Variants in CDC42SE2 observed in about 807,000 individuals in gnomAD.
CDC42SE2 encodes the protein CDC42 small effector 2, also known as CDC42 small effector protein 2.
In CDC42SE2, 3 loss-of-function variants were observed where a neutral mutation model predicts 11.5. The observed-to-expected ratio is 0.26, with a 90% confidence interval of 0.12 to 0.67. CDC42SE2 has a LOEUF of 0.67. Ranked by LOEUF, CDC42SE2 falls within the 30% of genes least tolerant of loss-of-function variation. CDC42SE2 has a pLI of 0.80. For synonymous variants in CDC42SE2, 33 were observed against 34.8 expected (o/e 0.95, Z 0.18); for missense variants, 82 against 106.8 (o/e 0.77, Z 1.02).
intron 2 of CDC42SE2, among the ~76,000 whole-genome samples, chr5:131,340,391 G>T (rs1404565258): frequency 6.6e-6 from 1 of 152,140 alleles, no homozygotes; most frequent in African/African-American, 2.4e-5. Flanking sequence ...TGTGTAGGCA[G>T]AAACATAATT....
chr5:131,378,369 T>G (rs1580787602), intron 3 of CDC42SE2, among the ~76,000 whole-genome samples: 1 of 152,210 alleles, frequency 6.6e-6, no homozygotes, highest in Non-Finnish European at 1.5e-5. Context: ...CTAGATTGAT[T>G]AACTTGGAAG....
the CDC42SE2 span, among the ~76,000 whole-genome samples, chr5:131,233,991 TC>T: frequency 6.6e-6 from 1 of 152,132 alleles, no homozygotes; most frequent in African/African-American, 2.4e-5. Context: ...CCCTACCTTT[TC>T]CTCTTTCCTT....
intron 3 of CDC42SE2, among the ~76,000 whole-genome samples, chr5:131,371,432 A>G (rs1269037937): frequency 6.6e-6 from 1 of 152,102 alleles, no homozygotes; most frequent in Non-Finnish European, 1.5e-5. Flanking sequence ...TGTTCCATCT[A>G]CTTTTGTCTA....
intron 2 of CDC42SE2, among the ~76,000 whole-genome samples, chr5:131,343,917 C>T (rs1331902098): frequency 6.6e-6 from 1 of 152,128 alleles, no homozygotes; most frequent in South Asian, 2.1e-4. Flanking sequence ...ATATTGCACA[C>T]TCTTTCATGT....
At chr5:131,292,483 G>A (rs1019685950) in intron 1 of CDC42SE2, among the ~76,000 whole-genome samples, 3 of 147,050 alleles carry the variant, frequency 2.0e-5, no homozygotes, top group African/African-American at 7.6e-5. Context: ...CAGGAGAATT[G>A]CTTCAACCCA....
chr5:131,386,045 A>AT (rs1750473150), intron 4 of CDC42SE2, among the ~76,000 whole-genome samples: 1 of 152,134 alleles, frequency 6.6e-6, no homozygotes, highest in East Asian at 1.9e-4. Context: ...TTTTGCACAC[A>AT]TTTTTATTGC....
chr5:131,290,068 A>G (rs1580733772), intron 1 of CDC42SE2, among the ~76,000 whole-genome samples: 1 of 151,982 alleles, frequency 6.6e-6, no homozygotes, highest in Non-Finnish European at 1.5e-5. Flanking sequence ...GCTGGTCTTC[A>G]CCTCCTGGCC....
rs202046202 is a variant in CDC42SE2, at chr5:131,350,723, C to CT, written c.-285-8478dup. On this transcript the variant is annotated intron_variant, in intron 2 of 4. Transcript: ENST00000505065. ...CAGTCCCAATCAGAATCACAGGAGGCTTTTTTTTGGGTAGAAATTAACAAG... is the reference window on the plus strand; with the variant it reads ...CAGTCCCAATCAGAATCACAGGAGGCTTTTTTTTTGGGTAGAAATTAACAAG... 2.1e-3 allele frequency among the ~76,000 whole-genome samples: 322 copies of CT among 150,616 alleles called. 1 individual carries two copies. The highest frequency in any genetic ancestry group is 3.5e-3 in the East Asian group (18 of 5,156).
At chr5:131,353,873 C>CT (rs1413814115) in intron 2 of CDC42SE2, among the ~76,000 whole-genome samples, 1 of 151,672 alleles carries the variant, frequency 6.6e-6, no homozygotes, top group Non-Finnish European at 1.5e-5. Context: ...GATTGTGCCA[C>CT]TGCACTCTGG....
At chr5:131,308,875 A>T (rs1757835888) in intron 1 of CDC42SE2, among the ~76,000 whole-genome samples, 1 of 152,240 alleles carries the variant, frequency 6.6e-6, no homozygotes, top group East Asian at 1.9e-4. Context: ...TAGCTATACA[A>T]TCATGTCATC....
intron 2 of CDC42SE2, among the ~76,000 whole-genome samples, chr5:131,333,644 G>C (rs887177364): frequency 5.3e-5 from 8 of 151,972 alleles, no homozygotes; most frequent in African/African-American, 1.9e-4. Context: ...TTATTTCATT[G>C]AGCAATGGTT....
chr5:131,311,987 G>T (rs1757927539), intron 1 of CDC42SE2, among the ~76,000 whole-genome samples: 1 of 152,170 alleles, frequency 6.6e-6, no homozygotes, highest in Non-Finnish European at 1.5e-5. Context: ...TTGCTGGTGA[G>T]GAACTGCATT....
Position 131,374,870 on chromosome 5 carries a change from A to G in CDC42SE2, c.55-10673A>G, listed in dbSNP as rs551944789. ...GTTAGCTGTGGGACTTTGGCAAGTA[A>G]TATCTTCCTAGGTACATTGTACATT... On this transcript the variant is annotated intron_variant, in intron 3 of 4. Transcript: ENST00000505065. Among the ~76,000 whole-genome samples, 33 of 152,262 alleles carry G rather than the reference A, an allele frequency of 2.2e-4. No homozygotes were observed. The South Asian group carries it at 6.2e-3, about 29-fold the overall frequency.
chr5:131,320,881 A>C (rs1346019365), intron 2 of CDC42SE2, among the ~76,000 whole-genome samples: 1 of 152,216 alleles, frequency 6.6e-6, no homozygotes, highest in African/African-American at 2.4e-5. Flanking sequence ...CAGTGGAGAA[A>C]ATTATTTTTT....
At chr5:131,248,640 G>A (rs1230765450) in intron 1 of CDC42SE2, among the ~76,000 whole-genome samples, 1 of 152,158 alleles carries the variant, frequency 6.6e-6, no homozygotes, top group Non-Finnish European at 1.5e-5. Flanking sequence ...TGAAACAAAA[G>A]TCAATTGCAT....
At chr5:131,216,733 G>A in the CDC42SE2 span, among the ~76,000 whole-genome samples, 3 of 152,044 alleles carry the variant, frequency 2.0e-5, no homozygotes, top group Non-Finnish European at 2.9e-5. Context: ...CCACAAAGAT[G>A]TCAAGCTGCC....
intron 3 of CDC42SE2, among the ~76,000 whole-genome samples, chr5:131,368,952 A>G (rs1189996075): frequency 2.6e-5 from 4 of 152,252 alleles, no homozygotes; most frequent in African/African-American, 9.6e-5. Flanking sequence ...TGAAACAAAT[A>G]TATTATGAAG....
At chr5:131,301,879 T>C (rs1181649706) in intron 1 of CDC42SE2, among the ~76,000 whole-genome samples, 2 of 152,164 alleles carry the variant, frequency 1.3e-5, no homozygotes, top group African/African-American at 2.4e-5. Flanking sequence ...GATACCCCTA[T>C]TTTTTGAGGC....
chr5:131,289,545 C>T (rs192908146), intron 1 of CDC42SE2, among the ~76,000 whole-genome samples: 2,245 of 152,028 alleles, frequency 0.015, 43 homozygotes, highest in African/African-American at 0.047. Flanking sequence ...TGGTGGCACG[C>T]GCCTGTAGTC....
Sources: allele counts gnomAD v4.1 joint callset (sites outside exome capture counted in the v4.1 genomes callset), GRCh38; gene constraint gnomAD v4.1.1; transcripts MANE v1.5; gene names NCBI Gene and HGNC (gene_info 2026-07-23, HGNC 2026-07-21).